TMEM131: variants seen among roughly 807,000 people sequenced by gnomAD.
TMEM131 encodes the protein transmembrane protein 131.
A neutral mutation model predicts 211.6 loss-of-function variants in TMEM131; 66 were observed. The observed-to-expected ratio is 0.31, with a 90% CI of 0.26 to 0.38. The LOEUF is 0.38. TMEM131 is among the 10% of genes least tolerant of loss of function. The pLI, the probability that TMEM131 is intolerant of heterozygous loss-of-function variation, is 1.00. For synonymous variants in TMEM131, 844 were observed against 841.3 expected, an observed-to-expected ratio of 1.00 and a Z score of -0.06; for missense variants, 2,036 against 2,299.3, an observed-to-expected ratio of 0.89 and a Z score of 2.34.
rs532567540 is a variant in TMEM131, at chr2:97,961,609, T to C, written c.187+33867A>G. ...TAAAACAGCCAAAGCAGTTGCAGTATTCATACTGCCTCCCTTTAAAGACTT... is the reference window on the plus strand; with the variant it reads ...TAAAACAGCCAAAGCAGTTGCAGTACTCATACTGCCTCCCTTTAAAGACTT... On this transcript the variant is annotated intron_variant, in intron 1 of 40. Coordinates refer to ENST00000186436, the MANE Select transcript of TMEM131 (RefSeq NM_015348.2). Among the ~76,000 whole-genome samples the C allele has an allele frequency of 1.3e-4, 20 of 152,336 alleles. 1 individual carries two copies. The South Asian group carries it at 2.9e-3, about 22-fold the overall frequency.
chr2:97,984,370 T>C (rs1008412933), intron 1 of TMEM131, among the ~76,000 whole-genome samples: 3 of 152,150 alleles, frequency 2.0e-5, no homozygotes, highest in African/African-American at 7.2e-5. Context: ...ATCAAATTAA[T>C]TGACAGCAAA....
At chr2:97,775,153 C>T (rs1050181241) in intron 32 of TMEM131, among the ~76,000 whole-genome samples, 1 of 152,164 alleles carries the variant, frequency 6.6e-6, no homozygotes, top group Non-Finnish European at 1.5e-5. Flanking sequence ...CTTGCACACC[C>T]CATACTACTC....
chr2:97,942,264 G>A (rs1450098670), intron 1 of TMEM131, among the ~76,000 whole-genome samples: 2 of 138,316 alleles, frequency 1.4e-5, no homozygotes, highest in Non-Finnish European at 3.0e-5. Context: ...TCATAGGTGG[G>A]AACTGAACAA....
At chr2:97,801,075 A>C (rs1028692294) in intron 25 of TMEM131, among the ~76,000 whole-genome samples, 8 of 152,206 alleles carry the variant, frequency 5.3e-5, no homozygotes, top group African/African-American at 1.9e-4. Flanking sequence ...TAAAACATGG[A>C]GCTATGGGAA....
chr2:97,892,238 T>A (rs928573265), intron 3 of TMEM131, among the ~76,000 whole-genome samples: 2 of 152,226 alleles, frequency 1.3e-5, no homozygotes, highest in Non-Finnish European at 2.9e-5. Context: ...TATTCAGTTG[T>A]AAGAGTTCTC....
At chr2:97,798,983 C>T (rs1006123511) in intron 25 of TMEM131, among the ~76,000 whole-genome samples, 13 of 152,154 alleles carry the variant, frequency 8.5e-5, no homozygotes, top group Non-Finnish European at 1.3e-4. Flanking sequence ...TGATGCCTCC[C>T]GTATACCATT....
Position 97,868,854 on chromosome 2 carries a change from C to A in TMEM131, c.360-9427G>T, listed in dbSNP as rs1337829038. Among the ~76,000 whole-genome samples, 5 of 152,154 alleles carry A rather than the reference C, an allele frequency of 3.3e-5. No homozygotes were observed. In the South Asian group the frequency reaches 1.0e-3, roughly 32 times the overall value. On this transcript the variant is annotated intron_variant, in intron 4 of 40. Transcript: ENST00000186436. ...CTCTTGCCTCCGTGGAGACTCAGAT[C>A]CTTTAAATGACAGGCTCATCAATCC...
chr2:97,806,935 C>T (rs1420517962), intron 19 of TMEM131, among the ~76,000 whole-genome samples: 3 of 152,092 alleles, frequency 2.0e-5, no homozygotes, highest in Non-Finnish European at 4.4e-5. Context: ...GCTGCAATGC[C>T]GACAGGAGCC....
chr2:97,876,212 T>G (rs985126329), intron 4 of TMEM131, among the ~76,000 whole-genome samples: 1 of 152,162 alleles, frequency 6.6e-6, no homozygotes, highest in Non-Finnish European at 1.5e-5. Flanking sequence ...GAGGCAGTAA[T>G]TAATAGCCTA....
intron 31 of TMEM131, among the ~76,000 whole-genome samples, chr2:97,780,681 A>G (rs531145923): frequency 6.6e-6 from 1 of 152,192 alleles, no homozygotes; most frequent in Non-Finnish European, 1.5e-5. Context: ...CAATTAAAAA[A>G]ACAGAATTCA....
intron 1 of TMEM131, among the ~76,000 whole-genome samples, chr2:97,942,573 G>A (rs1363330617): frequency 6.6e-6 from 1 of 151,290 alleles, no homozygotes; most frequent in East Asian, 1.9e-4. Context: ...CAGTAAAAGG[G>A]ATTAAAAGAG....
chr2:97,865,491 A>T (rs1401248561), intron 4 of TMEM131, among the ~76,000 whole-genome samples: 2 of 152,226 alleles, frequency 1.3e-5, no homozygotes, highest in Non-Finnish European at 2.9e-5. Flanking sequence ...TTATCATGAA[A>T]GGATGTTATT....
In TMEM131 at chr2:97,907,955, T is replaced by C. The variant is rs141676031; in HGVS notation, c.290+703A>G. Reference sequence around the variant, plus strand: ...TCTATGGTCCTCCGGGGAGCAATCATTAAGGGCTGGGAGTGAACACAAAAT... The same window carrying C: ...TCTATGGTCCTCCGGGGAGCAATCACTAAGGGCTGGGAGTGAACACAAAAT... On this transcript the variant is annotated intron_variant, in intron 3 of 40. Coordinates refer to ENST00000186436, the MANE Select transcript of TMEM131 (RefSeq NM_015348.2). Among the ~76,000 whole-genome samples, 445 of 152,226 alleles carry C rather than the reference T, an allele frequency of 2.9e-3. 1 individual carries two copies. Among genetic ancestry groups the C allele is most frequent in the African/African-American group, 0.01 (428 of 41,530 alleles).
intron 4 of TMEM131, among the ~76,000 whole-genome samples, chr2:97,875,384 G>A (rs1056047270): frequency 9.9e-5 from 15 of 152,116 alleles, no homozygotes; most frequent in South Asian, 6.2e-4. Context: ...GACATCTACA[G>A]AACTCTCCAC....
chr2:97,975,507 T>G (rs1056164190), intron 1 of TMEM131, among the ~76,000 whole-genome samples: 2 of 152,134 alleles, frequency 1.3e-5, no homozygotes, highest in African/African-American at 4.8e-5. Flanking sequence ...CTTTGCCAAT[T>G]AATTTGACAA....
intron 19 of TMEM131, among the ~76,000 whole-genome samples, chr2:97,806,680 C>T (rs1036755687): frequency 1.3e-5 from 2 of 152,144 alleles, no homozygotes; most frequent in Non-Finnish European, 2.9e-5. Flanking sequence ...ACGTAATCCT[C>T]CAGAAGAATA....
chr2:97,836,970 G>C (rs1039598250), intron 8 of TMEM131, 107 bp downstream of exon 8: 1 of 823,788 alleles, frequency 1.2e-6, no homozygotes, highest in African/African-American at 1.8e-5. Context: ...CGATTAAAGA[G>C]AAGTCATCCA....
chr2:97,812,784 G>T (rs780309805), intron 15 of TMEM131, 35 bp from the exon 16 acceptor site: 1 of 1,180,508 alleles, frequency 8.5e-7, no homozygotes. Flanking sequence ...TTAAAAAAAA[G>T]TCACATTGAT....
chr2:97,904,169 G>A (rs1315051976), intron 3 of TMEM131, among the ~76,000 whole-genome samples: 2 of 152,120 alleles, frequency 1.3e-5, no homozygotes, highest in Non-Finnish European at 2.9e-5. Context: ...GAGGCCTCTA[G>A]ATTAAACAGC....
Sources: allele counts gnomAD v4.1 joint callset (sites outside exome capture counted in the v4.1 genomes callset), GRCh38; gene constraint gnomAD v4.1.1; transcripts MANE v1.5; gene names NCBI Gene and HGNC (gene_info 2026-07-23, HGNC 2026-07-21).